RABL6: variants seen among roughly 807,000 people sequenced by gnomAD.
RABL6 encodes rab-like protein 6.
A neutral mutation model predicts 72.9 loss-of-function variants in RABL6; 28 were observed. The ratio of observed to expected loss-of-function variants is 0.38; its 90% CI spans 0.28 to 0.53. The LOEUF is 0.53. Among genes scored for constraint, RABL6 ranks in the 20% least tolerant of loss-of-function variants. The probability of loss-of-function intolerance (pLI) is 0.80; values close to 1 mark genes in which losing one functional copy is unlikely to be tolerated. For synonymous variants in RABL6, 477 were observed against 421.2 expected (o/e 1.13, Z -1.62); for missense variants, 1,029 against 1,008.4 (o/e 1.02, Z -0.28).
rs556308667 is a variant in RABL6, at chr9:136,825,588, T to C, written c.266-191T>C. Among the ~76,000 whole-genome samples the C allele has an allele frequency of 7.9e-5, 12 of 152,228 alleles. No homozygotes were observed. In the East Asian group the frequency reaches 2.3e-3, roughly 29 times the overall value. ...TGCATTCAGTTTGTCACTGAAGCTGTGTCTGAGCGAAGGCCTGAAGGAGCC... is the reference window on the plus strand; with the variant it reads ...TGCATTCAGTTTGTCACTGAAGCTGCGTCTGAGCGAAGGCCTGAAGGAGCC... On this transcript the variant is annotated intron_variant, in intron 2 of 14. Coordinates refer to ENST00000311502, the MANE Select transcript of RABL6 (RefSeq NM_024718.5).
chr9:136,829,261 C>T, intron 4 of RABL6, 132 bp from the exon 5 acceptor site: 1 of 720,766 alleles, frequency 1.4e-6, no homozygotes, highest in Non-Finnish European at 2.4e-6. Context: ...ATCTCTTCAG[C>T]ATATCGTTTC....
intron 1 of RABL6, among the ~76,000 whole-genome samples, chr9:136,817,857 T>C (rs1329598316): frequency 1.3e-5 from 2 of 150,928 alleles, no homozygotes; most frequent in Non-Finnish European, 3.0e-5. Context: ...AGGTCAGGAG[T>C]TTGAGTCCAG....
Position 136,834,448 on chromosome 9 carries a change from G to T in RABL6, c.706-1294G>T, listed in dbSNP as rs1055732664. The T allele has an allele frequency of 3.5e-5, 34 of 985,418 alleles. No individual in the cohort carries two copies. In the East Asian group the frequency reaches 6.8e-4, roughly 20 times the overall value. The allele number at this position is 985,418 out of a possible 1,614,324, so 61.0% of individuals were successfully genotyped here. A position where few individuals can be genotyped will look rare whatever the true frequency, so the allele number is the denominator to read the frequency against. ...TTCTCTTTGTAAATCACATTTTTTT[G>T]TTGTTGTTATAGCCTGGGGACCTTA... On this transcript the variant is annotated intron_variant, in intron 7 of 14. Transcript: ENST00000311502.
At chr9:136,831,683 G>C in intron 5 of RABL6, 38 bp from the exon 6 acceptor site, 2 of 1,610,052 alleles carry the variant, frequency 1.2e-6, no homozygotes, top group Middle Eastern at 1.7e-4. Context: ...GGGCGTCGCA[G>C]GGCTGAAACT....
chr9:136,819,536 A>G (rs1171438388), intron 1 of RABL6, among the ~76,000 whole-genome samples: 1 of 152,126 alleles, frequency 6.6e-6, no homozygotes, highest in African/African-American at 2.4e-5. Context: ...TGTATAAGAG[A>G]CACATCCAAA....
chr9:136,818,357 T>C (rs1241017024), intron 1 of RABL6, among the ~76,000 whole-genome samples: 42 of 71,904 alleles, frequency 5.8e-4, no homozygotes, highest in African/African-American at 2.3e-3. Flanking sequence ...AACCAGACTC[T>C]GTCTCAAAAA....
rs565325017 is a variant in RABL6 at position 136,811,415 on chromosome 9, C to A, written c.130+3089C>A. ...GGCGGACAACCTGAGGCCAGGAGTT[C>A]AAGACCAGCCTGGCCAACATGTCGA... On this transcript the variant is annotated intron_variant, in intron 1 of 14. Transcript: ENST00000311502. Among the ~76,000 whole-genome samples the A allele has an allele frequency of 3.9e-5, 6 of 152,058 alleles. No homozygotes were observed. In the South Asian group the frequency reaches 6.2e-4, roughly 16 times the overall value.
rs751035810 is a variant in RABL6 at position 136,840,444 on chromosome 9, C to A, written c.2112C>A (p.Ala704=). 1.6e-5 allele frequency: 25 copies of A among 1,547,272 alleles called. No homozygotes were observed. Among genetic ancestry groups the A allele is most frequent in the Non-Finnish European group, 2.0e-5 (23 of 1,145,998 alleles). The part of the protein sequence containing the change: ...RPPRSRERTA[A]DELEAFLGGG... ...CGCGCAGCAGGGAGAGGACGGCTGC[C>A]GATGAGCTGGAGGCTTTCCTGGGGG... The change falls in exon 15 of 15, where the codon GCC becomes GCA. Residue 704 remains alanine (A), a synonymous_variant. Transcript: ENST00000311502.
At chr9:136,833,779 G>A in intron 7 of RABL6, 1 of 1,550,532 alleles carries the variant, frequency 6.4e-7, no homozygotes, top group South Asian at 1.2e-5. Context: ...CAGAAGAAGT[G>A]AGGATGCCTG....
At chr9:136,822,814 C>T (rs927281320) in intron 1 of RABL6, among the ~76,000 whole-genome samples, 5 of 152,172 alleles carry the variant, frequency 3.3e-5, no homozygotes, top group East Asian at 3.9e-4. Context: ...CGCCAGGGCT[C>T]GCAGTGGCTC....
In RABL6 at chr9:136,840,975, G is replaced by C. The variant is rs1848686732; in HGVS notation, c.*453G>C. The C allele has an allele frequency of 6.9e-7, 1 of 1,452,542 alleles. No individual in the cohort carries two copies. 90.0% of individuals were successfully genotyped at this position (1,452,542 alleles called of 1,614,324 possible). ...TTCCGGCCGGGAGCCCTGAACACGG[G>C]TGTGCAGACTCACCCTAAAGGGCGG... On this transcript the variant is annotated 3_prime_UTR_variant, in exon 15 of 15. Transcript: ENST00000311502.
chr9:136,825,725 G>A (rs1848341216), intron 2 of RABL6, 54 bp from the exon 3 acceptor site: 3 of 1,580,898 alleles, frequency 1.9e-6, no homozygotes, highest in Non-Finnish European at 2.6e-6. Flanking sequence ...ACCGCTTTGT[G>A]CCACCTTGGG....
intron 1 of RABL6, among the ~76,000 whole-genome samples, chr9:136,810,666 C>G (rs1198047208): frequency 6.6e-6 from 1 of 152,058 alleles, no homozygotes; most frequent in African/African-American, 2.4e-5. Flanking sequence ...TTCAGCCTCC[C>G]GAGTAGCTGG....
chr9:136,823,669 G>T lies in RABL6; in HGVS notation c.265+10G>T, dbSNP rs1352723627. The T allele has an allele frequency of 1.2e-6, 2 of 1,601,920 alleles. No individual in the cohort carries two copies. Among genetic ancestry groups the T allele is most frequent in the South Asian group, 1.1e-5 (1 of 90,200 alleles). On this transcript the variant is annotated intron_variant, in intron 2 of 14. Coordinates refer to ENST00000311502, the MANE Select transcript of RABL6 (RefSeq NM_024718.5). ...CACTGGAGCTACAAGAGTAAGTGTG[G>T]TGGGTGCCCCAGTGGGTTCGGGCTC...
At chr9:136,831,463 CA>C (rs922860994) in intron 5 of RABL6, among the ~76,000 whole-genome samples, 14 of 152,130 alleles carry the variant, frequency 9.2e-5, no homozygotes, top group African/African-American at 3.4e-4. Flanking sequence ...CAGGGACAGG[CA>C]GGGGCGTTCC....
In RABL6 at chr9:136,838,905, G is replaced by T; in HGVS notation, c.1281-4G>T. 1.9e-6 allele frequency: 3 copies of T among 1,577,822 alleles called. No individual in the cohort carries two copies. Among genetic ancestry groups the T allele is most frequent in the Non-Finnish European group, 2.6e-6 (3 of 1,161,010 alleles). The stretch of plus-strand genomic sequence containing the variant: ...CCTTGACCGCTTTGCCCCCTGCTTT[G>T]CAGTGATGGGGAGGCCCTGGGCGGC... On this transcript the variant is annotated splice_region_variant and splice_polypyrimidine_tract_variant and intron_variant, in intron 10 of 14. Transcript: ENST00000311502.
intron 1 of RABL6, among the ~76,000 whole-genome samples, chr9:136,811,339 C>T (rs956637491): frequency 1.3e-4 from 20 of 152,044 alleles, no homozygotes; most frequent in South Asian, 6.2e-4. Flanking sequence ...GTTTTTTTGC[C>T]GGGCGCGGTG....
rs13286304 is a variant in RABL6, at chr9:136,837,627, C to T, written c.1091C>T (p.Thr364Met). The change falls in exon 9 of 15, where the codon ACG (threonine) becomes ATG (methionine). Residue 364 changes from threonine to methionine, a missense_variant. Around this residue, in one of 2 missense-constraint regions of RABL6, gnomAD observed 434 missense variants for 536.1 expected, o/e 0.81. Transcript: ENST00000311502. ...AGCATCATCTCTAGGCTGTTTGGGACGTCACCTGCCACCGAGGCAGCCCCT... is the reference window on the plus strand; with the variant it reads ...AGCATCATCTCTAGGCTGTTTGGGATGTCACCTGCCACCGAGGCAGCCCCT... Reference protein sequence around the residue: ...RRSIISRLFGTSPATEAAPPP... With the variant: ...RRSIISRLFGMSPATEAAPPP... 6.9e-5 allele frequency: 111 copies of T among 1,597,632 alleles called. No homozygotes were observed. The highest frequency in any genetic ancestry group is 1.5e-4 in the Admixed American group (9 of 58,302).
chr9:136,837,384 C>A lies in RABL6; in HGVS notation c.848C>A (p.Ala283Glu). The part of the protein sequence containing the change: ...EMMEARSRGH[A>E]SPLAANGQSP... ...ATGGAGGCTCGCAGCCGTGGCCATG[C>A]GTCCCCACTGGCGGCCAACGGGCAG... The change falls in exon 9 of 15, where the codon GCG becomes GAG. Residue 283 changes from alanine (A) to glutamate (E), a missense_variant. By Grantham distance (107) the Ala-to-Glu change is moderately radical (BLOSUM62 -1). Around this residue, in one of 2 missense-constraint regions of RABL6, gnomAD observed 434 missense variants for 536.1 expected, o/e 0.81. Coordinates refer to ENST00000311502, the MANE Select transcript of RABL6 (RefSeq NM_024718.5). The A allele has an allele frequency of 6.2e-7, 1 of 1,602,102 alleles. No individual in the cohort carries two copies. The highest frequency in any genetic ancestry group is 8.5e-7 in the Non-Finnish European group (1 of 1,175,334).
Sources: allele counts gnomAD v4.1 joint callset (sites outside exome capture counted in the v4.1 genomes callset), GRCh38; gene constraint gnomAD v4.1.1; regional missense constraint gnomAD v4.1.1; transcripts MANE v1.5; gene names NCBI Gene and HGNC (gene_info 2026-07-23, HGNC 2026-07-21).